The following KITLG variants were observed in gnomAD, a reference collection of about 807,000 sequenced individuals.
KITLG encodes c-Kit ligand.
In KITLG, 13 loss-of-function variants were observed where a neutral mutation model predicts 34.1. The ratio of observed to expected loss-of-function variants is 0.38; its 90% CI spans 0.25 to 0.61. The LOEUF is 0.61. Ranked by LOEUF, KITLG falls within the 20% of genes least tolerant of loss-of-function variation. The pLI is 0.60. For missense variants in KITLG, 292 were observed against 318.9 expected (o/e 0.92, Z 0.64); for synonymous variants, 110 against 104.0 (o/e 1.06, Z -0.35).
chr12:88,568,357 A>C (rs1345955567), intron 1 of KITLG, among the ~76,000 whole-genome samples: 1 of 151,574 alleles, frequency 6.6e-6, no homozygotes, highest in East Asian at 1.9e-4. Flanking sequence ...ACAAGGTCTC[A>C]CTATGTTGCC....
intron 6 of KITLG, among the ~76,000 whole-genome samples, chr12:88,513,364 A>G (rs1418993180): frequency 6.6e-6 from 1 of 151,770 alleles, no homozygotes; most frequent in East Asian, 1.9e-4. Context: ...AAGGAACAGA[A>G]GGTCAATACA....
At chr12:88,517,007 T>C (rs188108334) in intron 4 of KITLG, among the ~76,000 whole-genome samples, 1 of 151,800 alleles carries the variant, frequency 6.6e-6, no homozygotes, top group Non-Finnish European at 1.5e-5. Context: ...ATCCTGTGAC[T>C]CAGAAATTCC....
intron 9 of KITLG, among the ~76,000 whole-genome samples, chr12:88,498,881 A>G (rs944044871): frequency 4.6e-5 from 7 of 152,058 alleles, no homozygotes; most frequent in African/African-American, 1.7e-4. Context: ...AGAAAGAAAG[A>G]CTCTCAAGAA....
At chr12:88,523,581 G>C (rs140612141) in intron 3 of KITLG, among the ~76,000 whole-genome samples, 2 of 152,260 alleles carry the variant, frequency 1.3e-5, no homozygotes, top group East Asian at 3.9e-4. Flanking sequence ...ATTTCTCTGA[G>C]GAATTGTGAC....
At chr12:88,574,341 G>T (rs548994901) in intron 1 of KITLG, among the ~76,000 whole-genome samples, 9 of 152,012 alleles carry the variant, frequency 5.9e-5, no homozygotes, top group Non-Finnish European at 1.2e-4. Flanking sequence ...TGCTGGGTTT[G>T]CTCCAGCTCT....
chr12:88,543,166 G>T (rs1432439798), intron 2 of KITLG, among the ~76,000 whole-genome samples: 1 of 152,000 alleles, frequency 6.6e-6, no homozygotes, highest in Non-Finnish European at 1.5e-5. Context: ...CAACGTGCAG[G>T]TTTGTTACAT....
At chr12:88,578,259 A>T (rs556074565) in intron 1 of KITLG, among the ~76,000 whole-genome samples, 4 of 152,060 alleles carry the variant, frequency 2.6e-5, no homozygotes, top group South Asian at 2.1e-4. Flanking sequence ...AAGTATTCTT[A>T]AAAAAAACCT....
intron 8 of KITLG, 57 bp from the exon 9 acceptor site, chr12:88,505,292 A>G: frequency 7.3e-7 from 1 of 1,371,830 alleles, no homozygotes; most frequent in East Asian, 2.3e-5. Flanking sequence ...TCTGAGGTAC[A>G]CCATGATCTC....
At chr12:88,555,437 G>C (rs1871063427) in intron 1 of KITLG, among the ~76,000 whole-genome samples, 1 of 152,140 alleles carries the variant, frequency 6.6e-6, no homozygotes. Flanking sequence ...GAAATTGCTG[G>C]ATTGGATATA....
At chr12:88,515,903 GT>G (rs1869438231) in intron 5 of KITLG, among the ~76,000 whole-genome samples, 1 of 151,652 alleles carries the variant, frequency 6.6e-6, no homozygotes, top group Admixed American at 6.6e-5. Flanking sequence ...ATGAATCCAG[GT>G]TTGTATTATA....
In KITLG at chr12:88,497,011, T is replaced by C. The variant is rs1344939399; in HGVS notation, c.*208A>G. On this transcript the variant is annotated 3_prime_UTR_variant, in exon 10 of 10. Transcript: ENST00000644744. ...CTCCATGCAAGTTCTTCTTTATAGA[T>C]GATTAATTCAGTGCCAGTTTCACAG... 2 of 305,470 alleles carry C rather than the reference T, an allele frequency of 6.5e-6. No homozygotes were observed. The highest frequency in any genetic ancestry group is 2.2e-5 in the African/African-American group (1 of 44,824). 18.9% of individuals were successfully genotyped at this position (305,470 alleles called of 1,614,324 possible).
At chr12:88,530,259 C>T (rs573873559) in intron 3 of KITLG, among the ~76,000 whole-genome samples, 8 of 152,228 alleles carry the variant, frequency 5.3e-5, no homozygotes, top group Admixed American at 2.6e-4. Context: ...CCTCACTTTC[C>T]GTAACCCAGG....
At chr12:88,540,380 C>T (rs893498142) in intron 2 of KITLG, among the ~76,000 whole-genome samples, 3 of 152,144 alleles carry the variant, frequency 2.0e-5, no homozygotes, top group Non-Finnish European at 2.9e-5. Context: ...ACCACTAGAT[C>T]TCAGCTTTCT....
chr12:88,577,747 G>T (rs1455336277), intron 1 of KITLG, among the ~76,000 whole-genome samples: 1 of 152,150 alleles, frequency 6.6e-6, no homozygotes, highest in Non-Finnish European at 1.5e-5. Context: ...CATGCTAAAT[G>T]AATGAATCAT....
chr12:88,516,225 G>T, intron 5 of KITLG, 109 bp downstream of exon 5: 5 of 886,538 alleles, frequency 5.6e-6, no homozygotes, highest in Non-Finnish European at 9.3e-6. Context: ...TTTATTAGAC[G>T]TACATGCATG....
intron 1 of KITLG, among the ~76,000 whole-genome samples, chr12:88,563,829 G>A (rs996529014): frequency 6.6e-6 from 1 of 152,276 alleles, no homozygotes; most frequent in East Asian, 1.9e-4. Context: ...GGGCATGGTG[G>A]TGGGCACCTG....
intron 1 of KITLG, among the ~76,000 whole-genome samples, chr12:88,565,222 C>A (rs960182104): frequency 7.2e-5 from 11 of 152,180 alleles, no homozygotes; most frequent in Non-Finnish European, 5.9e-5. Context: ...TACCTATTAA[C>A]TAGCACAAAT....
At position 88,544,741 on chromosome 12, in the gene KITLG, A is replaced by G. The variant is rs77019777; in HGVS notation, c.129+1011T>C. Among the ~76,000 whole-genome samples the G allele has an allele frequency of 1.2e-3, 177 of 152,288 alleles. 3 individuals carry two copies. The highest frequency in any genetic ancestry group is 9.5e-3 in the East Asian group (49 of 5,160). On this transcript the variant is annotated intron_variant, in intron 2 of 9. Coordinates refer to ENST00000644744, the MANE Select transcript of KITLG (RefSeq NM_000899.5). ...TCTAATTCTATATTGAGGCTAAGCT[A>G]GCAAGACTTCAACAGTGGCCTTAAA...
chr12:88,545,893 T>C, intron 1 of KITLG, 28 bp from the exon 2 acceptor site: 1 of 1,325,270 alleles, frequency 7.5e-7, no homozygotes, highest in Non-Finnish European at 1.1e-6. Flanking sequence ...AATTGCTTGG[T>C]GATCATCAGT....
Sources: allele counts gnomAD v4.1 joint callset (sites outside exome capture counted in the v4.1 genomes callset), GRCh38; gene constraint gnomAD v4.1.1; transcripts MANE v1.5; gene names NCBI Gene and HGNC (gene_info 2026-07-23, HGNC 2026-07-21).